The following CTNNA2 variants were observed in gnomAD, a reference collection of about 807,000 sequenced individuals.
The protein encoded by CTNNA2 is catenin alpha-2.
Under a neutral mutation model 101.0 loss-of-function variants are expected in CTNNA2, and 42 were observed. The ratio of observed to expected loss-of-function variants is 0.42; its 90% CI spans 0.32 to 0.54. The LOEUF (loss-of-function observed/expected upper bound fraction) is 0.54. CTNNA2 is among the 20% of genes least tolerant of loss of function. The probability of loss-of-function intolerance (pLI) is 0.14; values close to 1 mark genes in which losing one functional copy is unlikely to be tolerated. For synonymous variants in CTNNA2, 450 were observed against 456.4 expected (o/e 0.99, Z 0.18); for missense variants, 871 against 1,223.1 (o/e 0.71, Z 4.29).
At chr2:80,346,496 C>T (rs1318692754) in intron 7 of CTNNA2, among the ~76,000 whole-genome samples, 2 of 152,190 alleles carry the variant, frequency 1.3e-5, no homozygotes, top group African/African-American at 4.8e-5. Context: ...GAACACCTTC[C>T]ACCAGGTCCA....
intron 7 of CTNNA2, among the ~76,000 whole-genome samples, chr2:80,114,789 C>T (rs1701425927): frequency 1.3e-5 from 2 of 152,176 alleles, no homozygotes; most frequent in Admixed American, 6.5e-5. Flanking sequence ...GCTGTGACTT[C>T]AGCTTGACAA....
chr2:79,259,874 T>A (rs1674897788), intron 2 of CTNNA2, among the ~76,000 whole-genome samples: 1 of 152,208 alleles, frequency 6.6e-6, no homozygotes, highest in Non-Finnish European at 1.5e-5. Context: ...TGCAGATAGA[T>A]AAGAGACAAT....
chr2:79,731,415 T>C (rs1242140544), intron 2 of CTNNA2, among the ~76,000 whole-genome samples: 1 of 152,112 alleles, frequency 6.6e-6, no homozygotes. Flanking sequence ...CTTCTGAAAC[T>C]GACTAATGTG....
chr2:79,691,896 G>A (rs536923996), intron 2 of CTNNA2, among the ~76,000 whole-genome samples: 1 of 152,190 alleles, frequency 6.6e-6, no homozygotes, highest in East Asian at 1.9e-4. Flanking sequence ...AGACTTAAAT[G>A]TAAGACCTAA....
chr2:80,398,362 T>A (rs1038268730), intron 8 of CTNNA2, among the ~76,000 whole-genome samples: 1 of 152,170 alleles, frequency 6.6e-6, no homozygotes, highest in Non-Finnish European at 1.5e-5. Flanking sequence ...ACAAAATATA[T>A]TACAGAATAT....
chr2:80,185,196 G>A (rs370255107), intron 7 of CTNNA2, among the ~76,000 whole-genome samples: 73 of 152,266 alleles, frequency 4.8e-4, no homozygotes, highest in African/African-American at 1.7e-3. Flanking sequence ...TTATTGGCAG[G>A]ATTTTGTCTC....
At chr2:79,431,599 G>A (rs1188143655) in intron 4 of CTNNA2, among the ~76,000 whole-genome samples, 2 of 152,188 alleles carry the variant, frequency 1.3e-5, no homozygotes, top group African/African-American at 4.8e-5. Flanking sequence ...GTTCAGTAGG[G>A]TGGAAAAATA....
rs556040799 is a variant in CTNNA2, at chr2:80,141,522, C to A, written c.1056+231725C>A. On this transcript the variant is annotated intron_variant, in intron 7 of 18. Coordinates refer to ENST00000402739, the MANE Select transcript of CTNNA2 (RefSeq NM_001282597.3). ...TATCCACCCCCTCCAACCCTGTGAG[C>A]TCTGCCTCTTGCCGGCCTCATCTTA... Among the ~76,000 whole-genome samples the A allele has an allele frequency of 2.0e-4, 30 of 152,184 alleles. No individual in the cohort carries two copies. The South Asian group carries it at 6.0e-3, about 31-fold the overall frequency.
In CTNNA2 at chr2:79,809,156, A is replaced by T. The variant is rs764284279; in HGVS notation, c.299-48857A>T. ...ATGGCTGCATGGTATTCCATGGTGG[A>T]TATGTGCCACATTTTCTTTATCCAG... is the stretch of plus-strand genomic sequence containing the variant. On this transcript the variant is annotated intron_variant, in intron 3 of 18. Transcript: ENST00000402739. 9.2e-5 allele frequency among the ~76,000 whole-genome samples: 14 copies of T among 152,252 alleles called. No homozygotes were observed. In the South Asian group the frequency reaches 2.9e-3, roughly 32 times the overall value.
chr2:80,183,220 A>G (rs893644830), intron 7 of CTNNA2, among the ~76,000 whole-genome samples: 12 of 152,106 alleles, frequency 7.9e-5, no homozygotes, highest in African/African-American at 1.4e-4. Flanking sequence ...CTACATGTCA[A>G]TCAGGGGTGG....
chr2:80,355,930 G>GTTT (rs1182768853), intron 7 of CTNNA2, among the ~76,000 whole-genome samples: 6 of 147,998 alleles, frequency 4.1e-5, no homozygotes, highest in African/African-American at 1.5e-4. Context: ...CAGTCACATT[G>GTTT]TTCTTTTTTT....
At chr2:80,139,926 A>C (rs566249586) in intron 7 of CTNNA2, among the ~76,000 whole-genome samples, 2 of 152,322 alleles carry the variant, frequency 1.3e-5, no homozygotes, top group East Asian at 3.9e-4. Context: ...AGTCTCCCAC[A>C]TTGGTGAACA....
At position 79,680,756 on chromosome 2, in the gene CTNNA2, A is replaced by T. The variant is rs959259933; in HGVS notation, c.102+29098A>T. On this transcript the variant is annotated intron_variant, in intron 2 of 18. Coordinates refer to ENST00000402739, the MANE Select transcript of CTNNA2 (RefSeq NM_001282597.3). Reference sequence around the variant, plus strand: ...CTGCTTTCAGTAATGTGAAAAGTCAACCTAAATGTGAAGTATTACTGCTGC... The same window carrying T: ...CTGCTTTCAGTAATGTGAAAAGTCATCCTAAATGTGAAGTATTACTGCTGC... Among the ~76,000 whole-genome samples, 2 of 152,222 alleles carry T rather than the reference A, an allele frequency of 1.3e-5. 1 individual carries two copies. The highest frequency in any genetic ancestry group is 3.9e-4 in the East Asian group (2 of 5,188).
At chr2:79,901,844 C>T (rs944841728) in intron 6 of CTNNA2, among the ~76,000 whole-genome samples, 1 of 152,194 alleles carries the variant, frequency 6.6e-6, no homozygotes, top group Non-Finnish European at 1.5e-5. Context: ...TAATTAAAAA[C>T]ATTACTTTAT....
At chr2:79,627,756 A>G (rs1297787101) in intron 1 of CTNNA2, among the ~76,000 whole-genome samples, 1 of 152,146 alleles carries the variant, frequency 6.6e-6, no homozygotes, top group Non-Finnish European at 1.5e-5. Flanking sequence ...TATTCAATTG[A>G]TGATTTATTC....
At chr2:80,642,390 T>C (rs1249695879) in intron 18 of CTNNA2, among the ~76,000 whole-genome samples, 1 of 152,196 alleles carries the variant, frequency 6.6e-6, no homozygotes, top group Non-Finnish European at 1.5e-5. Context: ...GTGTCTATTT[T>C]TCTCATTGTA....
intron 3 of CTNNA2, among the ~76,000 whole-genome samples, chr2:79,780,014 G>A (rs1490367736): frequency 6.6e-6 from 1 of 152,116 alleles, no homozygotes; most frequent in Non-Finnish European, 1.5e-5. Flanking sequence ...GCCTGCACCT[G>A]GAGGCTTCAT....
At chr2:79,813,356 T>G (rs1293698602) in intron 3 of CTNNA2, among the ~76,000 whole-genome samples, 1 of 152,152 alleles carries the variant, frequency 6.6e-6, no homozygotes, top group African/African-American at 2.4e-5. Context: ...GAGAAATTTA[T>G]GAAAGTAACA....
chr2:79,998,664 T>C (rs890500908), intron 7 of CTNNA2, among the ~76,000 whole-genome samples: 7 of 152,208 alleles, frequency 4.6e-5, no homozygotes, highest in Non-Finnish European at 1.0e-4. Context: ...CATTGCACTT[T>C]TGTGGGAATT....
Sources: allele counts gnomAD v4.1 joint callset (sites outside exome capture counted in the v4.1 genomes callset), GRCh38; gene constraint gnomAD v4.1.1; transcripts MANE v1.5; gene names NCBI Gene and HGNC (gene_info 2026-07-23, HGNC 2026-07-21).